Variants in JPT1 observed in about 807,000 individuals in gnomAD.
JPT1 encodes Jupiter microtubule associated homolog 1.
A neutral mutation model predicts 17.0 loss-of-function variants in JPT1; 5 were observed. The ratio of observed to expected loss-of-function variants is 0.29; its 90% CI spans 0.15 to 0.62. The LOEUF (loss-of-function observed/expected upper bound fraction) is 0.62, where lower values mean the gene tolerates loss of function less well. Ranked by LOEUF, JPT1 falls within the 20% of genes least tolerant of loss-of-function variation. The pLI, the probability that JPT1 is intolerant of heterozygous loss-of-function variation, is 0.85. For missense variants in JPT1, 158 were observed against 188.1 expected (o/e 0.84, Z 0.94); for synonymous variants, 71 against 73.6 (o/e 0.96, Z 0.18).
Position 75,147,762 on chromosome 17 carries a change from G to A in JPT1, c.200-109C>T, listed in dbSNP as rs1209971716. Reference sequence around the variant, plus strand: ...GCCTGTAATCTCAGTGCTTTAGGAGGCCGAGGCGGGCAGATCACCTGAGGT... The same window carrying A: ...GCCTGTAATCTCAGTGCTTTAGGAGACCGAGGCGGGCAGATCACCTGAGGT... On this transcript the variant is annotated intron_variant, in intron 2 of 4. Coordinates refer to ENST00000409753, the MANE Select transcript of JPT1 (RefSeq NM_016185.4). 8.9e-6 allele frequency: 7 copies of A among 784,206 alleles called. No individual in the cohort carries two copies. In the African/African-American group the frequency reaches 1.0e-4, roughly 11 times the overall value. 48.6% of individuals were successfully genotyped at this position (784,206 alleles called of 1,614,324 possible).
chr17:75,140,865 G>C (rs1473715683), intron 4 of JPT1, among the ~76,000 whole-genome samples: 1 of 152,194 alleles, frequency 6.6e-6, no homozygotes, highest in African/African-American at 2.4e-5. Context: ...GCCAAGGCAG[G>C]TGGATCACGA....
At chr17:75,144,105 T>A (rs1045045716) in intron 4 of JPT1, among the ~76,000 whole-genome samples, 1 of 152,070 alleles carries the variant, frequency 6.6e-6, no homozygotes, top group Non-Finnish European at 1.5e-5. Flanking sequence ...CAACAACTCA[T>A]CCATGTGCCA....
intron 4 of JPT1, among the ~76,000 whole-genome samples, chr17:75,138,058 G>A (rs1250020726): frequency 6.6e-6 from 1 of 152,082 alleles, no homozygotes; most frequent in Non-Finnish European, 1.5e-5. Flanking sequence ...CCGGGTTCAA[G>A]CAATTCTCCT....
At chr17:75,148,704 C>A in intron 1 of JPT1, 33 bp from the exon 2 acceptor site, 2 of 1,605,476 alleles carry the variant, frequency 1.2e-6, no homozygotes, top group South Asian at 1.1e-5. Context: ...AACTTCAGAT[C>A]ATACTGAAAC....
At chr17:75,139,420 C>T (rs912611646) in intron 4 of JPT1, among the ~76,000 whole-genome samples, 1 of 152,070 alleles carries the variant, frequency 6.6e-6, no homozygotes, top group Admixed American at 6.6e-5. Flanking sequence ...TACATTATTA[C>T]TAGAACTGTT....
intron 4 of JPT1, among the ~76,000 whole-genome samples, chr17:75,141,770 A>G (rs1366910514): frequency 2.6e-5 from 4 of 152,022 alleles, no homozygotes; most frequent in African/African-American, 7.2e-5. Flanking sequence ...TCTGCTAAAA[A>G]TAAAAAAAAT....
intron 1 of JPT1, among the ~76,000 whole-genome samples, chr17:75,150,552 T>C (rs1025913550): frequency 1.3e-5 from 2 of 151,642 alleles, no homozygotes; most frequent in African/African-American, 2.4e-5. Flanking sequence ...GCACCTGGCC[T>C]AATTGTTGTA....
intron 1 of JPT1, among the ~76,000 whole-genome samples, chr17:75,150,185 CAATTT>C (rs1251932408): frequency 6.6e-6 from 1 of 152,072 alleles, no homozygotes; most frequent in Non-Finnish European, 1.5e-5. Context: ...TGGAAAAACT[CAATTT>C]AACTCCTCTT....
chr17:75,149,073 A>C (rs996214764), intron 1 of JPT1: 6 of 1,274,730 alleles, frequency 4.7e-6, no homozygotes, highest in Non-Finnish European at 6.1e-6. Context: ...AATCATTTCC[A>C]GGCACAGTGG....
intron 4 of JPT1, among the ~76,000 whole-genome samples, chr17:75,138,207 C>A (rs1282543459): frequency 6.6e-6 from 1 of 152,114 alleles, no homozygotes; most frequent in Non-Finnish European, 1.5e-5. Flanking sequence ...GGTGATCCAA[C>A]CTGCCTTGGC....
chr17:75,135,916 C>T lies in JPT1; in HGVS notation c.*186G>A. Reference sequence around the variant, plus strand: ...CTACTAGAAAACACTCATGCCATGGCCCACAGACCCAAGAGTCAAGGACAG... The same window carrying T: ...CTACTAGAAAACACTCATGCCATGGTCCACAGACCCAAGAGTCAAGGACAG... On this transcript the variant is annotated 3_prime_UTR_variant, in exon 5 of 5. Coordinates refer to ENST00000409753, the MANE Select transcript of JPT1 (RefSeq NM_016185.4). The T allele has an allele frequency of 1.6e-6, 2 of 1,288,872 alleles. No individual in the cohort carries two copies. Among genetic ancestry groups the T allele is most frequent in the Non-Finnish European group, 1.1e-6 (1 of 931,738 alleles). 79.8% of individuals were successfully genotyped at this position (1,288,872 alleles called of 1,614,324 possible). A position where few individuals can be genotyped will look rare whatever the true frequency, so the allele number is the denominator to read the frequency against.
At chr17:75,148,413 TTTTTG>T (rs1248484753) in intron 2 of JPT1, 111 bp downstream of exon 2, 62 of 1,249,726 alleles carry the variant, frequency 5.0e-5, no homozygotes, top group South Asian at 8.7e-5. Flanking sequence ...CACCAGCTAA[TTTTTG>T]TTTTGTTTTG....
At chr17:75,143,866 C>T (rs889939073) in intron 4 of JPT1, among the ~76,000 whole-genome samples, 5 of 151,350 alleles carry the variant, frequency 3.3e-5, no homozygotes, top group African/African-American at 7.3e-5. Context: ...ATCTCCATCT[C>T]GAGAAAAAAA....
At chr17:75,148,871 T>C (rs1404087498) in intron 1 of JPT1, among the ~76,000 whole-genome samples, 200 bp from the exon 2 acceptor site, 1 of 152,130 alleles carries the variant, frequency 6.6e-6, no homozygotes, top group Non-Finnish European at 1.5e-5. Context: ...AAATACTGCT[T>C]TATAATACTT....
intron 4 of JPT1, among the ~76,000 whole-genome samples, chr17:75,137,531 T>TTG (rs1568027428): frequency 6.6e-6 from 1 of 150,954 alleles, no homozygotes; most frequent in African/African-American, 2.4e-5. Context: ...TATTTTTGTT[T>TTG]TTTTTTTTTT....
chr17:75,137,990 CAT>C (rs1189102285), intron 4 of JPT1, among the ~76,000 whole-genome samples: 1 of 150,814 alleles, frequency 6.6e-6, no homozygotes, highest in Admixed American at 6.6e-5. Flanking sequence ...GAGTTTCACA[CAT>C]GTTGTCCAGG....
chr17:75,148,875 A>G (rs2074490237), intron 1 of JPT1, among the ~76,000 whole-genome samples: 1 of 152,166 alleles, frequency 6.6e-6, no homozygotes, highest in African/African-American at 2.4e-5. Flanking sequence ...ACTGCTTTAT[A>G]ATACTTGTAA....
Position 75,136,186 on chromosome 17 carries a change from C to G in JPT1, c.381G>C (p.Ala127=). Residue 127 remains alanine, a synonymous_variant, in exon 5 of 5, where the codon GCG becomes GCC. Transcript: ENST00000409753. ...GQSEEKPVPA[A]PVPSPVAPAP... Reference sequence around the variant, plus strand: ...CCGGGGCCACCGGGCTGGGCACAGGCGCAGCAGGCACGGGCTTCTCTTCAC... The same window carrying G: ...CCGGGGCCACCGGGCTGGGCACAGGGGCAGCAGGCACGGGCTTCTCTTCAC... 1 of 1,613,902 alleles carries G rather than the reference C, an allele frequency of 6.2e-7. No individual in the cohort carries two copies. Among genetic ancestry groups the G allele is most frequent in the Middle Eastern group, 1.6e-4 (1 of 6,062 alleles).
chr17:75,144,498 C>G lies in JPT1; in HGVS notation c.316+2168G>C, dbSNP rs573903675. 2.0e-5 allele frequency among the ~76,000 whole-genome samples: 3 copies of G among 151,950 alleles called. No homozygotes were observed. The East Asian group carries it at 5.8e-4, about 29-fold the overall frequency. ...CTGCACTCCAGTCTGGACAACAGAGCAAGATTCAGTTTAGAAAAAAATAAA... is the reference window on the plus strand; with the variant it reads ...CTGCACTCCAGTCTGGACAACAGAGGAAGATTCAGTTTAGAAAAAAATAAA... On this transcript the variant is annotated intron_variant, in intron 4 of 4. Transcript: ENST00000409753.
Sources: gnomAD v4.1 joint callset for allele counts (sites outside exome capture counted in the v4.1 genomes callset) on GRCh38, gnomAD v4.1.1 for gene constraint, MANE v1.5 for transcripts, NCBI Gene and HGNC (gene_info 2026-07-23, HGNC 2026-07-21) for gene names.